NIBAN1: variants seen among roughly 807,000 people sequenced by gnomAD.
The protein encoded by NIBAN1 is protein Niban 1.
NIBAN1 carries 81 observed loss-of-function variants against 75.1 expected under a neutral mutation model. That is an observed-to-expected ratio of 1.08 (90% CI 0.90 to 1.30). NIBAN1 has a LOEUF of 1.30. NIBAN1 is among the 50% of genes most tolerant of loss of function. NIBAN1 has a pLI of 0.00. For synonymous variants in NIBAN1, 436 were observed against 424.8 expected (o/e 1.03, Z -0.32); for missense variants, 1,133 against 1,128.1 (o/e 1.00, Z -0.06).
At chr1:184,867,305 G>A (rs773448672) in intron 5 of NIBAN1, among the ~76,000 whole-genome samples, 4 of 152,016 alleles carry the variant, frequency 2.6e-5, no homozygotes, top group Non-Finnish European at 4.4e-5. Flanking sequence ...TATTGTGCCA[G>A]GAAAAATATC....
chr1:184,886,538 T>C (rs1490822861), intron 4 of NIBAN1, among the ~76,000 whole-genome samples: 2 of 152,180 alleles, frequency 1.3e-5, no homozygotes, highest in Non-Finnish European at 2.9e-5. Flanking sequence ...TCAAAATCAA[T>C]TCCAAGCAAC....
At position 184,800,024 on chromosome 1, in the gene NIBAN1, C is replaced by T. The variant is rs2102183217; in HGVS notation, c.1555-1834G>A. Among the ~76,000 whole-genome samples, 2 of 102,332 alleles carry T rather than the reference C, an allele frequency of 2.0e-5. 1 individual carries two copies. The highest frequency in any genetic ancestry group is 6.5e-4 in the South Asian group (2 of 3,072). The allele number at this position is 102,332 out of a possible 152,430, so 67.1% of individuals were successfully genotyped here. A position where few individuals can be genotyped will look rare whatever the true frequency, so the allele number is the denominator to read the frequency against. On this transcript the variant is annotated intron_variant, in intron 12 of 13. Coordinates refer to ENST00000367511, the MANE Select transcript of NIBAN1 (RefSeq NM_052966.4). ...CCTCCCAAAGTGCTGGGATTACAGG[C>T]GTGAGCCACCGCGCCCGGCCATGAT... is the stretch of plus-strand genomic sequence containing the variant.
rs117459249 is a variant in NIBAN1, at chr1:184,881,289, T to C, written c.601+3344A>G. On this transcript the variant is annotated intron_variant, in intron 5 of 13. Coordinates refer to ENST00000367511, the MANE Select transcript of NIBAN1 (RefSeq NM_052966.4). Reference sequence around the variant, plus strand: ...GGCATAATCAGGCCCTTCATCAGGGTTAAATAGGAAACGCCCACCCTATAA... The same window carrying C: ...GGCATAATCAGGCCCTTCATCAGGGCTAAATAGGAAACGCCCACCCTATAA... 2.2e-4 allele frequency among the ~76,000 whole-genome samples: 33 copies of C among 152,228 alleles called. No individual in the cohort carries two copies. In the East Asian group the frequency reaches 6.2e-3, roughly 28 times the overall value.
intron 1 of NIBAN1, among the ~76,000 whole-genome samples, chr1:184,955,626 A>T (rs1054457734): frequency 3.3e-5 from 5 of 152,206 alleles, no homozygotes; most frequent in Admixed American, 3.3e-4. Flanking sequence ...CGTGAGCCAC[A>T]GAGCCCAGAC....
rs770034532 is a variant in NIBAN1 at position 184,884,774 on chromosome 1, G to C, written c.460C>G (p.Pro154Ala). 1 of 1,614,052 alleles carries C rather than the reference G, an allele frequency of 6.2e-7. No individual in the cohort carries two copies. Among genetic ancestry groups the C allele is most frequent in the Non-Finnish European group, 8.5e-7 (1 of 1,179,992 alleles). ...AATTCCTTGGGCAGGACCACAAAGG[G>C]CTGAGTGTTCTCCTTCTCACTGGAG... ...LASSEKENTQ[P>A]FVVLPKEFPV... The change falls in exon 5 of 14, where the codon CCC (proline) becomes GCC (alanine). Residue 154 changes from proline to alanine, a missense_variant. Coordinates refer to ENST00000367511, the MANE Select transcript of NIBAN1 (RefSeq NM_052966.4).
At chr1:184,821,160 C>T (rs1654687217) in intron 8 of NIBAN1, among the ~76,000 whole-genome samples, 1 of 152,116 alleles carries the variant, frequency 6.6e-6, no homozygotes, top group Admixed American at 6.5e-5. Context: ...TGAGTCATTC[C>T]AGCCATTGTA....
At chr1:184,833,202 A>G (rs1366146025) in intron 5 of NIBAN1, among the ~76,000 whole-genome samples, 1 of 151,212 alleles carries the variant, frequency 6.6e-6, no homozygotes, top group Non-Finnish European at 1.5e-5. Context: ...TGGGGAACTA[A>G]GCAGAACTAA....
intron 9 of NIBAN1, among the ~76,000 whole-genome samples, chr1:184,812,466 G>A (rs760686876): frequency 1.3e-5 from 2 of 152,102 alleles, no homozygotes; most frequent in Admixed American, 6.6e-5. Flanking sequence ...CTGGCATGCC[G>A]GCCAAAAGGT....
chr1:184,812,491 A>C (rs1326023208), intron 9 of NIBAN1, among the ~76,000 whole-genome samples: 1 of 152,226 alleles, frequency 6.6e-6, no homozygotes, highest in Non-Finnish European at 1.5e-5. Context: ...ATTTCTTACC[A>C]GTCAGATTTC....
intron 1 of NIBAN1, among the ~76,000 whole-genome samples, chr1:184,910,327 C>A (rs1213002492): frequency 6.6e-6 from 1 of 152,082 alleles, no homozygotes; most frequent in Non-Finnish European, 1.5e-5. Flanking sequence ...TTCCAACATC[C>A]ATATACTGAT....
At chr1:184,944,704 A>G (rs190224731) in intron 1 of NIBAN1, among the ~76,000 whole-genome samples, 263 of 152,336 alleles carry the variant, frequency 1.7e-3, no homozygotes, top group Admixed American at 5.0e-3. Context: ...ATGTCATGGG[A>G]AAAAGAATAG....
rs183973882 is a variant in NIBAN1, at chr1:184,805,879, A to G, written c.1446+67T>C. ...CCAAGGAGAGAACTTGGTATTTTCC[A>G]CTTTACAAAAGAAACAGGGGTCACG... On this transcript the variant is annotated intron_variant, in intron 11 of 13. Coordinates refer to ENST00000367511, the MANE Select transcript of NIBAN1 (RefSeq NM_052966.4). 4.1e-4 allele frequency: 531 copies of G among 1,286,476 alleles called. 3 individuals carry two copies. In the African/African-American group the frequency reaches 7.1e-3, roughly 17 times the overall value. The allele number at this position is 1,286,476 out of a possible 1,614,324, so 79.7% of individuals were successfully genotyped here. A position where few individuals can be genotyped will look rare whatever the true frequency, so the allele number is the denominator to read the frequency against.
chr1:184,867,628 G>A lies in NIBAN1; in HGVS notation c.601+17005C>T, dbSNP rs554373835. 2.6e-5 allele frequency among the ~76,000 whole-genome samples: 4 copies of A among 152,312 alleles called. No individual in the cohort carries two copies. In the East Asian group the frequency reaches 7.7e-4, roughly 29 times the overall value. ...CTGGAACAGAACCACTTGGGCTTGG[G>A]CCCGAGTTCACTTAAAGTGAGATGG... On this transcript the variant is annotated intron_variant, in intron 5 of 13. Transcript: ENST00000367511.
Position 184,794,604 on chromosome 1 carries a change from C to A in NIBAN1, c.*373G>T, listed in dbSNP as rs1653785302. ...TGCATTCTCAAACAAAATTAAAAAG[C>A]CTTAAAGTGCACAAGAAGATTGCAC... On this transcript the variant is annotated 3_prime_UTR_variant, in exon 14 of 14. Transcript: ENST00000367511. 8.8e-6 allele frequency: 3 copies of A among 340,030 alleles called. No individual in the cohort carries two copies. Among genetic ancestry groups the A allele is most frequent in the African/African-American group, 2.1e-5 (1 of 46,704 alleles). 21.1% of individuals were successfully genotyped at this position (340,030 alleles called of 1,614,324 possible).
chr1:184,913,980 C>T (rs1490500786), intron 1 of NIBAN1, among the ~76,000 whole-genome samples: 1 of 152,158 alleles, frequency 6.6e-6, no homozygotes, highest in African/African-American at 2.4e-5. Context: ...AAGCCATTCT[C>T]AGAGGCCCAT....
chr1:184,899,046 T>C, intron 2 of NIBAN1, 133 bp downstream of exon 2: 1 of 995,314 alleles, frequency 1.0e-6, no homozygotes, highest in Non-Finnish European at 1.5e-6. Context: ...AATAGAGTTT[T>C]TTGAGCATGA....
In NIBAN1 at chr1:184,795,869, CT is replaced by C. The variant is rs776916238; in HGVS notation, c.1894del (p.Ser632AlafsTer24). 6.1e-5 allele frequency: 99 copies of C among 1,612,466 alleles called. No individual in the cohort carries two copies. Among genetic ancestry groups the C allele is most frequent in the Middle Eastern group, 4.9e-4 (3 of 6,076 alleles). ...AAGGCTTTCTCCTTTGGCCAACGAGCTAGGGACCTCAGGCTGCTTCTCTTCC... is the reference window on the plus strand; with the variant it reads ...AAGGCTTTCTCCTTTGGCCAACGAGCAGGGACCTCAGGCTGCTTCTCTTCC... ...SEEEKQPEVP[S>X]SLAKGESLSL... On this transcript the variant is annotated frameshift_variant, in exon 14 of 14. Coordinates refer to ENST00000367511, the MANE Select transcript of NIBAN1 (RefSeq NM_052966.4). LOFTEE classifies it low-confidence loss of function (END_TRUNC).
At chr1:184,876,646 C>T (rs1294799832) in intron 5 of NIBAN1, among the ~76,000 whole-genome samples, 5 of 151,146 alleles carry the variant, frequency 3.3e-5, no homozygotes, top group East Asian at 1.9e-4. Flanking sequence ...GGTTGCAGTG[C>T]GCCCAGATAG....
intron 5 of NIBAN1, among the ~76,000 whole-genome samples, chr1:184,864,742 G>A (rs2102280019): frequency 6.6e-6 from 1 of 151,758 alleles, no homozygotes; most frequent in African/African-American, 2.4e-5. Flanking sequence ...AATTGAACAA[G>A]CAAAAAACAA....
Sources: gnomAD v4.1 joint callset for allele counts (sites outside exome capture counted in the v4.1 genomes callset) on GRCh38, gnomAD v4.1.1 for gene constraint, MANE v1.5 for transcripts, NCBI Gene and HGNC (gene_info 2026-07-23, HGNC 2026-07-21) for gene names.